The following GLRA2 variants were observed in gnomAD, a reference collection of about 807,000 sequenced individuals.
GLRA2 encodes glycine receptor subunit alpha-2.
In GLRA2, 11 loss-of-function variants were observed where a neutral mutation model predicts 31.6. The observed-to-expected ratio is 0.35, with a 90% CI of 0.22 to 0.58. GLRA2 has a LOEUF of 0.58. Ranked by LOEUF, GLRA2 falls within the 20% of genes least tolerant of loss-of-function variation. The pLI, the probability that GLRA2 is intolerant of heterozygous loss-of-function variation, is 0.84. For missense variants in GLRA2, 212 were observed against 351.8 expected, an observed-to-expected ratio of 0.60 and a Z score of 3.18; for synonymous variants, 132 against 134.0, an observed-to-expected ratio of 0.99 and a Z score of 0.10.
At chrX:14,604,442 T>A (rs753969469) in intron 5 of GLRA2, 45 bp downstream of exon 5, 2 of 790,095 alleles carry the variant, frequency 2.5e-6, no homozygotes, top group Admixed American at 4.5e-5. Flanking sequence ...TTTTAACCAA[T>A]GACCTGGTTC....
chrX:14,609,801 A>C (rs977088831), intron 7 of GLRA2, among the ~76,000 whole-genome samples: 7 of 111,409 alleles, frequency 6.3e-5, no homozygotes, highest in Non-Finnish European at 1.3e-4. Context: ...CCAGAGAAGG[A>C]ACAGTAGAGT....
rs774201740 is a variant in GLRA2 at position 14,630,379 on chromosome X, C to T, written c.930+21174C>T. ...TTCCTCTGGTAATTTTAACTATTTT[C>T]ATTTTTATCTGGTTTTGAGCAATTT... On this transcript the variant is annotated intron_variant, in intron 7 of 8. Transcript: ENST00000218075. 3.6e-5 allele frequency among the ~76,000 whole-genome samples: 4 copies of T among 111,234 alleles called. No individual in the cohort carries two copies. The East Asian group carries it at 1.1e-3, about 31-fold the overall frequency.
chrX:14,506,212 TTCTG>T, the GLRA2 span, among the ~76,000 whole-genome samples: 1 of 111,742 alleles, frequency 8.9e-6, no homozygotes, highest in Middle Eastern at 4.6e-3. Flanking sequence ...GTGCCTGTGT[TTCTG>T]TATTGTCTAC....
the GLRA2 span, among the ~76,000 whole-genome samples, chrX:14,515,055 T>C: frequency 3.6e-5 from 4 of 111,552 alleles, no homozygotes; most frequent in Non-Finnish European, 5.7e-5. Flanking sequence ...TTTCTTTTAT[T>C]CCCTTCCTCG....
chrX:14,592,769 C>T (rs1248586485), intron 4 of GLRA2, among the ~76,000 whole-genome samples: 1 of 112,163 alleles, frequency 8.9e-6, no homozygotes, highest in Non-Finnish European at 1.9e-5. Flanking sequence ...TCATTTGTAC[C>T]CTCTGATTCA....
chrX:14,573,200 G>C (rs763781661), intron 2 of GLRA2, among the ~76,000 whole-genome samples: 4 of 111,982 alleles, frequency 3.6e-5, no homozygotes, highest in Non-Finnish European at 7.5e-5. Flanking sequence ...GATTTTGCCT[G>C]GGGAGTTAAA....
At chrX:14,451,459 A>G in the GLRA2 span, among the ~76,000 whole-genome samples, 1 of 109,503 alleles carries the variant, frequency 9.1e-6, no homozygotes, top group African/African-American at 3.3e-5. Flanking sequence ...GGTAAAACCC[A>G]TCTCTACTAA....
the GLRA2 span, among the ~76,000 whole-genome samples, chrX:14,468,520 A>C: frequency 8.9e-5 from 10 of 112,255 alleles, no homozygotes; most frequent in Admixed American, 1.9e-4. Flanking sequence ...CGTAAGATTA[A>C]TGTTCTATGG....
intron 7 of GLRA2, among the ~76,000 whole-genome samples, chrX:14,655,742 C>T (rs922987696): frequency 3.0e-5 from 3 of 101,632 alleles, no homozygotes; most frequent in Non-Finnish European, 6.2e-5. Context: ...CCTCCGCATC[C>T]TCCCAGCACT....
At chrX:14,619,001 A>G (rs913476047) in intron 7 of GLRA2, among the ~76,000 whole-genome samples, 2 of 111,557 alleles carry the variant, frequency 1.8e-5, no homozygotes, top group Non-Finnish European at 3.8e-5. Context: ...GACACACCTA[A>G]TAATCTCTGT....
intron 4 of GLRA2, among the ~76,000 whole-genome samples, chrX:14,587,070 C>T (rs2090088368): frequency 8.9e-6 from 1 of 111,916 alleles, no homozygotes; most frequent in Non-Finnish European, 1.9e-5. Flanking sequence ...TCCTCATTTA[C>T]TTCAACCCAA....
At chrX:14,564,402 T>A (rs2089774934) in intron 2 of GLRA2, among the ~76,000 whole-genome samples, 1 of 111,077 alleles carries the variant, frequency 9.0e-6, no homozygotes, top group Non-Finnish European at 1.9e-5. Flanking sequence ...AAGACATTAC[T>A]AGACCAGCAA....
the GLRA2 span, among the ~76,000 whole-genome samples, chrX:14,479,277 G>A: frequency 8.9e-6 from 1 of 112,020 alleles, no homozygotes; most frequent in Admixed American, 9.4e-5. Context: ...GGGGACCATC[G>A]GTAAAACCTT....
chrX:14,528,515 G>T (rs1215730279), upstream of GLRA2, among the ~76,000 whole-genome samples: 1 of 111,852 alleles, frequency 8.9e-6, no homozygotes. Flanking sequence ...CCCAGAAGCT[G>T]CTAATTATCC....
chrX:14,541,715 G>A (rs983781294), intron 2 of GLRA2, among the ~76,000 whole-genome samples: 2 of 111,344 alleles, frequency 1.8e-5, no homozygotes, highest in Non-Finnish European at 3.8e-5. Flanking sequence ...AGTGAATGAG[G>A]CACACATTTG....
chrX:14,458,352 A>C, the GLRA2 span, among the ~76,000 whole-genome samples: 2 of 111,898 alleles, frequency 1.8e-5, no homozygotes, highest in African/African-American at 3.3e-5. Flanking sequence ...GTGTCTTTAT[A>C]GCAGCATGAT....
chrX:14,460,553 G>A, the GLRA2 span, among the ~76,000 whole-genome samples: 3 of 111,775 alleles, frequency 2.7e-5, no homozygotes, highest in African/African-American at 9.8e-5. Context: ...TTCAGAACCT[G>A]TTATTGATCT....
At chrX:14,456,035 T>C in the GLRA2 span, among the ~76,000 whole-genome samples, 1 of 111,472 alleles carries the variant, frequency 9.0e-6, no homozygotes, top group Non-Finnish European at 1.9e-5. Flanking sequence ...TGGAATGATT[T>C]AAATAGAATA....
chrX:14,508,476 A>AAGGCATTG, the GLRA2 span, among the ~76,000 whole-genome samples: 2 of 111,985 alleles, frequency 1.8e-5, no homozygotes, highest in African/African-American at 6.5e-5. Flanking sequence ...CACAGACTTC[A>AAGGCATTG]AGGCATTGGC....
Sources: gnomAD v4.1 joint callset for allele counts (sites outside exome capture counted in the v4.1 genomes callset) on GRCh38, gnomAD v4.1.1 for gene constraint, MANE v1.5 for transcripts, NCBI Gene and HGNC (gene_info 2026-07-23, HGNC 2026-07-21) for gene names.